Variants in MED27 observed in about 807,000 individuals in gnomAD.
MED27 encodes mediator complex subunit 27.
Under a neutral mutation model 38.2 loss-of-function variants are expected in MED27, and 30 were observed. The observed-to-expected ratio is 0.79, with a 90% CI of 0.59 to 1.07. The LOEUF (loss-of-function observed/expected upper bound fraction) is 1.07, where lower values mean the gene tolerates loss of function less well. MED27 is among the 50% of genes least tolerant of loss of function. The probability of loss-of-function intolerance (pLI) is 0.00; values close to 1 mark genes in which losing one functional copy is unlikely to be tolerated. For synonymous variants in MED27, 122 were observed against 153.5 expected (o/e 0.79, Z 1.52); for missense variants, 289 against 397.5 (o/e 0.73, Z 2.32).
intron 3 of MED27, among the ~76,000 whole-genome samples, chr9:131,979,176 C>A (rs984149872): frequency 1.3e-5 from 2 of 152,120 alleles, no homozygotes; most frequent in Middle Eastern, 3.2e-3. Flanking sequence ...TGGGAGCTCC[C>A]TGGACATTAT....
intron 4 of MED27, among the ~76,000 whole-genome samples, chr9:131,899,967 T>C (rs1486960601): frequency 6.6e-6 from 1 of 152,264 alleles, no homozygotes; most frequent in Non-Finnish European, 1.5e-5. Context: ...AGGTCGGCTC[T>C]TGGCAACTGC....
In MED27 at chr9:131,993,955, G is replaced by C. The variant is rs542687119; in HGVS notation, c.479+20382C>G. On this transcript the variant is annotated intron_variant, in intron 3 of 7. Transcript: ENST00000292035. ...TGGGATGGCGTCCTGTCCAGGGTTG[G>C]TTTCTGCCTGGCACCCTAAGCTGCT... 9.9e-5 allele frequency among the ~76,000 whole-genome samples: 15 copies of C among 152,272 alleles called. No individual in the cohort carries two copies. In the South Asian group the frequency reaches 2.7e-3, roughly 27 times the overall value.
At chr9:131,966,199 TAA>T (rs201789144) in intron 3 of MED27, among the ~76,000 whole-genome samples, 5 of 96,356 alleles carry the variant, frequency 5.2e-5, no homozygotes, top group Non-Finnish European at 8.1e-5. Flanking sequence ...CCTGTTTCTT[TAA>T]AAAAAAAAAA....
chr9:131,993,714 T>C (rs576692671), intron 3 of MED27, among the ~76,000 whole-genome samples: 68 of 152,336 alleles, frequency 4.5e-4, no homozygotes, highest in African/African-American at 1.5e-3. Flanking sequence ...AATAATGTTT[T>C]GTTCAACACA....
At chr9:131,928,538 G>A (rs929307842) in intron 4 of MED27, among the ~76,000 whole-genome samples, 33 of 152,236 alleles carry the variant, frequency 2.2e-4, no homozygotes, top group African/African-American at 8.0e-4. Flanking sequence ...GGCCTGGAGA[G>A]GATCTGCACA....
At chr9:132,074,740 C>G (rs1834009759) in intron 2 of MED27, among the ~76,000 whole-genome samples, 1 of 152,202 alleles carries the variant, frequency 6.6e-6, no homozygotes, top group South Asian at 2.1e-4. Flanking sequence ...CATCCTTGTT[C>G]TCCCTCTTTT....
rs201713969 is a variant in MED27, at chr9:131,863,081, G to A, written c.783C>T (p.Val261=). 4.5e-5 allele frequency: 73 copies of A among 1,614,038 alleles called. No homozygotes were observed. The highest frequency in any genetic ancestry group is 1.6e-4 in the Middle Eastern group (1 of 6,084). The change falls in exon 7 of 8, where the codon GTC becomes GTT. Residue 261 remains valine, a synonymous_variant. Coordinates refer to ENST00000292035, the MANE Select transcript of MED27 (RefSeq NM_004269.4). ...LHYQLPQMPD[V]VVRSFMTWLR... ...CACTTACCATGAAGGATCGGACCAC[G>A]ACATCCGGCATCTGGGGCAGCTGAT... is the stretch of plus-strand genomic sequence containing the variant.
chr9:131,932,429 G>T (rs971185338), intron 4 of MED27, among the ~76,000 whole-genome samples: 4 of 150,102 alleles, frequency 2.7e-5, no homozygotes, highest in Non-Finnish European at 5.9e-5. Flanking sequence ...GATGAAAAAG[G>T]AGACATTACA....
At chr9:131,967,768 C>A (rs1390121461) in intron 3 of MED27, among the ~76,000 whole-genome samples, 9 of 151,754 alleles carry the variant, frequency 5.9e-5, no homozygotes, top group Admixed American at 5.9e-4. Flanking sequence ...GATTCGGCCT[C>A]CCAAAGTGTT....
intron 3 of MED27, among the ~76,000 whole-genome samples, chr9:131,994,239 C>A (rs139953461): frequency 2.0e-5 from 3 of 152,196 alleles, no homozygotes; most frequent in East Asian, 3.9e-4. Flanking sequence ...AGGAACCTAT[C>A]GATGATGCTA....
Position 131,872,938 on chromosome 9 carries a change from C to T in MED27, c.724-9798G>A, listed in dbSNP as rs545245895. Among the ~76,000 whole-genome samples, 10 of 152,352 alleles carry T rather than the reference C, an allele frequency of 6.6e-5. No individual in the cohort carries two copies. Among genetic ancestry groups the T allele is most frequent in the South Asian group, 2.1e-4 (1 of 4,830 alleles). Reference sequence around the variant, plus strand: ...TCCTCTGTGTGGGAAGCCTCTGTGCCGCTCAGCCAGACTTTGGAGCACTCA... The same window carrying T: ...TCCTCTGTGTGGGAAGCCTCTGTGCTGCTCAGCCAGACTTTGGAGCACTCA... On this transcript the variant is annotated intron_variant, in intron 6 of 7. Transcript: ENST00000292035. This position sits in a 1 kb window ranked among gnomAD's most constrained non-coding sequence, Gnocchi z 5.6.
At chr9:131,900,262 C>CG (rs1379842804) in intron 4 of MED27, among the ~76,000 whole-genome samples, 7 of 152,216 alleles carry the variant, frequency 4.6e-5, no homozygotes, top group African/African-American at 1.7e-4. Context: ...GGGCAGCGAG[C>CG]GGGGGCCGAA....
chr9:132,013,008 G>A (rs1832517010), intron 3 of MED27, among the ~76,000 whole-genome samples: 1 of 152,208 alleles, frequency 6.6e-6, no homozygotes, highest in Non-Finnish European at 1.5e-5. Context: ...TGTAACTGAG[G>A]ATGTAATCAG....
intron 4 of MED27, among the ~76,000 whole-genome samples, chr9:131,928,918 TC>T (rs1830528888): frequency 1.3e-5 from 2 of 152,264 alleles, no homozygotes; most frequent in Middle Eastern, 6.8e-3. Context: ...GCGCCACCCT[TC>T]CCCCAATTCT....
intron 3 of MED27, among the ~76,000 whole-genome samples, chr9:131,959,476 C>A (rs1487756745): frequency 6.6e-6 from 1 of 152,136 alleles, no homozygotes; most frequent in Non-Finnish European, 1.5e-5. Context: ...AATCCTGGCG[C>A]CGCTCTGGAA....
intron 4 of MED27, among the ~76,000 whole-genome samples, chr9:131,932,938 C>T (rs1830615939): frequency 6.6e-6 from 1 of 152,038 alleles, no homozygotes; most frequent in African/African-American, 2.4e-5. Flanking sequence ...GGGATTTATT[C>T]CAGGGATGTA....
At chr9:132,028,105 T>C (rs1475389667) in intron 2 of MED27, among the ~76,000 whole-genome samples, 1 of 152,214 alleles carries the variant, frequency 6.6e-6, no homozygotes. Flanking sequence ...ACCACTCTGG[T>C]TGGCTTCCTT....
chr9:132,007,352 A>G (rs1252973483), intron 3 of MED27, among the ~76,000 whole-genome samples: 1 of 152,236 alleles, frequency 6.6e-6, no homozygotes, highest in Non-Finnish European at 1.5e-5. Flanking sequence ...AAGAACATCG[A>G]AAAAATACTA....
intron 4 of MED27, 47 bp downstream of exon 4, chr9:131,939,334 C>T: frequency 7.6e-7 from 1 of 1,314,156 alleles, no homozygotes. Flanking sequence ...ATTGTGAAGT[C>T]CATTTTTTCC....
Sources: allele counts gnomAD v4.1 joint callset (sites outside exome capture counted in the v4.1 genomes callset), GRCh38; gene constraint gnomAD v4.1.1; non-coding constraint Gnocchi (gnomAD v3.1); transcripts MANE v1.5; gene names NCBI Gene and HGNC (gene_info 2026-07-23, HGNC 2026-07-21).